The following NMBR variants were observed in gnomAD, a reference collection of about 807,000 sequenced individuals.
NMBR encodes neuromedin-B receptor.
A neutral mutation model predicts 20.5 loss-of-function variants in NMBR; 16 were observed. The observed-to-expected ratio is 0.78, with a 90% CI of 0.53 to 1.19. The LOEUF (loss-of-function observed/expected upper bound fraction) is 1.19, where lower values mean the gene tolerates loss of function less well. Among genes scored for constraint, NMBR ranks in the 50% most tolerant of loss-of-function variants. NMBR has a pLI of 0.00. For synonymous variants in NMBR, 212 were observed against 196.6 expected (o/e 1.08, Z -0.65); for missense variants, 582 against 499.1 (o/e 1.17, Z -1.58).
At chr6:142,134,544 A>G in intron 1 of NMBR, 1 of 552,750 alleles carries the variant, frequency 1.8e-6, no homozygotes, top group African/African-American at 1.9e-5. Flanking sequence ...TCTAGGCATT[A>G]CAACTAGTTA....
intron 1 of NMBR, among the ~76,000 whole-genome samples, chr6:142,136,948 C>A (rs894649402): frequency 1.3e-5 from 2 of 152,080 alleles, no homozygotes; most frequent in Admixed American, 6.6e-5. Flanking sequence ...CAGCTTTGTT[C>A]TTTTGGCTTA....
intron 1 of NMBR, chr6:142,134,502 T>A (rs148069821): frequency 2.1e-5 from 10 of 479,970 alleles, no homozygotes; most frequent in African/African-American, 1.8e-4. Flanking sequence ...ATTAATTGAT[T>A]TACTAAGATA....
intron 1 of NMBR, among the ~76,000 whole-genome samples, chr6:142,100,355 T>C (rs1227559984): frequency 1.3e-5 from 2 of 152,112 alleles, no homozygotes; most frequent in Non-Finnish European, 2.9e-5. Flanking sequence ...TACAACCAGA[T>C]GATTGGATGT....
At chr6:142,076,911 A>G (rs1776961031) in intron 3 of NMBR, among the ~76,000 whole-genome samples, 1 of 152,222 alleles carries the variant, frequency 6.6e-6, no homozygotes, top group African/African-American at 2.4e-5. Context: ...AGAATATTCC[A>G]AAGAAGACTG....
At chr6:142,130,844 A>G (rs1489218671) in intron 1 of NMBR, among the ~76,000 whole-genome samples, 1 of 152,168 alleles carries the variant, frequency 6.6e-6, no homozygotes, top group Non-Finnish European at 1.5e-5. Context: ...GGACCAGGGA[A>G]CCACTTCCAT....
chr6:142,110,954 T>A (rs1168047537), intron 1 of NMBR, among the ~76,000 whole-genome samples: 1 of 152,134 alleles, frequency 6.6e-6, no homozygotes, highest in Non-Finnish European at 1.5e-5. Flanking sequence ...AAATAAGACA[T>A]ACTGGCTGCG....
intron 1 of NMBR, among the ~76,000 whole-genome samples, chr6:142,118,839 A>C (rs1267711396): frequency 6.6e-6 from 1 of 151,954 alleles, no homozygotes; most frequent in African/African-American, 2.4e-5. Flanking sequence ...AGAATACAGC[A>C]TTCTCTTATT....
intron 1 of NMBR, among the ~76,000 whole-genome samples, chr6:142,127,323 C>A (rs2114603402): frequency 6.6e-6 from 1 of 151,988 alleles, no homozygotes; most frequent in Admixed American, 6.6e-5. Flanking sequence ...TTTTGGGGAT[C>A]CCTTAATTTC....
intron 1 of NMBR, among the ~76,000 whole-genome samples, chr6:142,143,735 A>G (rs1006094131): frequency 1.1e-4 from 17 of 152,162 alleles, no homozygotes; most frequent in African/African-American, 3.4e-4. Context: ...TAAAATTTAT[A>G]TGGAAATACA....
intron 1 of NMBR, among the ~76,000 whole-genome samples, chr6:142,141,806 A>T (rs1778367656): frequency 6.6e-6 from 1 of 152,162 alleles, no homozygotes; most frequent in African/African-American, 2.4e-5. Flanking sequence ...CCCGGCCTGA[A>T]GTTTTTAAAA....
At position 142,088,407 on chromosome 6, in the gene NMBR, G is replaced by C; in HGVS notation, c.252C>G (p.Asn84Lys). 1 of 1,614,118 alleles carries C rather than the reference G, an allele frequency of 6.2e-7. No individual in the cohort carries two copies. Among genetic ancestry groups the C allele is most frequent in the Non-Finnish European group, 8.5e-7 (1 of 1,180,020 alleles). ...MRSVPNIFIS[N>K]LAAGDLLLLL... Reference sequence around the variant, plus strand: ...GCAGCAGCAAGTCCCCGGCCGCCAGGTTAGAGATGAAGATGTTGGGGACGC... The same window carrying C: ...GCAGCAGCAAGTCCCCGGCCGCCAGCTTAGAGATGAAGATGTTGGGGACGC... Residue 84 changes from asparagine to lysine, a missense_variant, in exon 2 of 4, where the codon AAC (asparagine) becomes AAG (lysine). By Grantham distance (94) the Asn-to-Lys change is moderately conservative. Transcript: ENST00000258042.
At chr6:142,100,283 A>G (rs1310912576) in intron 1 of NMBR, among the ~76,000 whole-genome samples, 1 of 146,498 alleles carries the variant, frequency 6.8e-6, no homozygotes, top group East Asian at 2.5e-4. Flanking sequence ...AGCTTTATTC[A>G]TAATTGCTAA....
Position 142,075,786 on chromosome 6 carries a change from G to A in NMBR, c.1035C>T (p.Ser345=). 1.9e-6 allele frequency: 3 copies of A among 1,614,060 alleles called. No individual in the cohort carries two copies. Among genetic ancestry groups the A allele is most frequent in the Non-Finnish European group, 2.5e-6 (3 of 1,179,948 alleles). Residue 345 remains serine (S), a synonymous_variant, in exon 4 of 4, where the codon TCC becomes TCT. Transcript: ENST00000258042. ...GGTAGCTGGTTCCTCTCTCTTGATAGGACTTCCTCCCACAGCAGAGTTGGC... is the reference window on the plus strand; with the variant it reads ...GGTAGCTGGTTCCTCTCTCTTGATAAGACTTCCTCCCACAGCAGAGTTGGC... ...FNSQLCCGRK[S]YQERGTSYLL... is the part of the protein sequence containing the mutation.
At chr6:142,090,061 G>A (rs765259248) in intron 1 of NMBR, among the ~76,000 whole-genome samples, 1 of 152,018 alleles carries the variant, frequency 6.6e-6, no homozygotes, top group Non-Finnish European at 1.5e-5. Flanking sequence ...AATGCCACTC[G>A]TAGATATATA....
intron 1 of NMBR, chr6:142,134,010 A>T: frequency 2.9e-6 from 2 of 700,250 alleles, no homozygotes; most frequent in Non-Finnish European, 2.6e-6. Context: ...TGTTACAATC[A>T]GTTCAGGCCA....
At chr6:142,081,033 T>C (rs916579225) in intron 2 of NMBR, among the ~76,000 whole-genome samples, 1 of 152,230 alleles carries the variant, frequency 6.6e-6, no homozygotes, top group Non-Finnish European at 1.5e-5. Context: ...GTCACAATTC[T>C]GAAGACTAGG....
intron 1 of NMBR, among the ~76,000 whole-genome samples, chr6:142,095,231 A>G (rs1313600244): frequency 1.3e-5 from 2 of 152,112 alleles, no homozygotes; most frequent in Non-Finnish European, 2.9e-5. Flanking sequence ...GTCTTGTGCC[A>G]GTTTTTAAAG....
At chr6:142,139,792 T>C (rs1778334130) in intron 1 of NMBR, among the ~76,000 whole-genome samples, 1 of 152,226 alleles carries the variant, frequency 6.6e-6, no homozygotes, top group African/African-American at 2.4e-5. Flanking sequence ...CACAGCTATA[T>C]AGTCCTGAAT....
At position 142,099,786 on chromosome 6, in the gene NMBR, T is replaced by C. The variant is rs575133217; in HGVS notation, c.-663-10465A>G. 3.3e-5 allele frequency among the ~76,000 whole-genome samples: 5 copies of C among 152,312 alleles called. No individual in the cohort carries two copies. The South Asian group carries it at 6.2e-4, about 19-fold the overall frequency. ...TAAGCAGGCTAAAGACTAGGATTTA[T>C]GATCCAACACATACAAGTATCACGT... On this transcript the variant is annotated intron_variant, in intron 1 of 3. Coordinates refer to ENST00000258042, the MANE Select transcript of NMBR (RefSeq NM_002511.4).
Sources: allele counts gnomAD v4.1 joint callset (sites outside exome capture counted in the v4.1 genomes callset), GRCh38; gene constraint gnomAD v4.1.1; transcripts MANE v1.5; gene names NCBI Gene and HGNC (gene_info 2026-07-23, HGNC 2026-07-21).